Variants in VPS13B observed in about 807,000 individuals in gnomAD.
VPS13B encodes the protein vacuolar protein sorting 13 homolog B, also known as intermembrane lipid transfer protein VPS13B.
A neutral mutation model predicts 426.4 loss-of-function variants in VPS13B; 285 were observed. The ratio of observed to expected loss-of-function variants is 0.67; its 90% CI spans 0.61 to 0.74. VPS13B has a LOEUF of 0.74. Ranked by LOEUF, VPS13B falls within the 30% of genes least tolerant of loss-of-function variation. The pLI is 0.00. For missense variants in VPS13B, 4,537 were observed against 4,782.6 expected, an observed-to-expected ratio of 0.95 and a Z score of 1.51; for synonymous variants, 1,676 against 1,676.4, an observed-to-expected ratio of 1.00 and a Z score of 0.01.
intron 35 of VPS13B, among the ~76,000 whole-genome samples, chr8:99,681,397 T>C (rs1031306907): frequency 6.6e-6 from 1 of 152,256 alleles, no homozygotes; most frequent in Non-Finnish European, 1.5e-5. Flanking sequence ...GAAATGTGGC[T>C]CAGCACTGTC....
chr8:99,050,712 T>G, intron 3 of VPS13B, among the ~76,000 whole-genome samples: 1 of 152,212 alleles, frequency 6.6e-6, no homozygotes, highest in Non-Finnish European at 1.5e-5. Context: ...CCTGACTTTT[T>G]AATGAGTGCC....
intron 17 of VPS13B, among the ~76,000 whole-genome samples, chr8:99,219,231 G>T (rs1037915232): frequency 2.0e-5 from 3 of 152,222 alleles, no homozygotes; most frequent in African/African-American, 7.2e-5. Flanking sequence ...AGAATTATGA[G>T]AATGGCCTTG....
intron 21 of VPS13B, among the ~76,000 whole-genome samples, chr8:99,430,206 T>G (rs1817013731): frequency 6.6e-6 from 1 of 152,152 alleles, no homozygotes; most frequent in African/African-American, 2.4e-5. Context: ...TTCATGCCCT[T>G]AAGGTATTTT....
At position 99,442,409 on chromosome 8, in the gene VPS13B, A is replaced by G. The variant is rs1234904975; in HGVS notation, c.3219A>G (p.Val1073=). The change falls in exon 23 of 62, where the codon GTA becomes GTG. Residue 1073 remains valine, a synonymous_variant. Coordinates refer to ENST00000357162, the MANE Select transcript of VPS13B (RefSeq NM_152564.5). ...CTGCTTTTCTTTTCTAGCTTGAAGTACAATCTTGTTGTGTGTTTATTCCAA... is the reference window on the plus strand; with the variant it reads ...CTGCTTTTCTTTTCTAGCTTGAAGTGCAATCTTGTTGTGTGTTTATTCCAA... ...AVKHLTLQLE[V]QSCCVFIPND... 11 of 1,613,614 alleles carry G rather than the reference A, an allele frequency of 6.8e-6. No homozygotes were observed. Among genetic ancestry groups the G allele is most frequent in the Admixed American group, 1.7e-5 (1 of 60,016 alleles).
intron 40 of VPS13B, among the ~76,000 whole-genome samples, chr8:99,768,047 A>G (rs1811315045): frequency 6.6e-6 from 1 of 152,248 alleles, no homozygotes; most frequent in African/African-American, 2.4e-5. Context: ...CAGCACTTCT[A>G]GCTTACACAC....
At chr8:99,364,612 T>C (rs977894426) in intron 19 of VPS13B, among the ~76,000 whole-genome samples, 14 of 152,114 alleles carry the variant, frequency 9.2e-5, no homozygotes, top group Non-Finnish European at 1.3e-4. Flanking sequence ...TTTGTATTTT[T>C]AGTAGAGACA....
chr8:99,172,122 C>A (rs548607488), intron 16 of VPS13B, among the ~76,000 whole-genome samples: 2 of 152,182 alleles, frequency 1.3e-5, no homozygotes, highest in Admixed American at 6.5e-5. Context: ...GATAGTTAAA[C>A]CAGTTAATCA....
chr8:99,214,583 A>C (rs555858498), intron 17 of VPS13B, among the ~76,000 whole-genome samples: 1 of 152,252 alleles, frequency 6.6e-6, no homozygotes, highest in South Asian at 2.1e-4. Context: ...CAATGTGTAT[A>C]GGTTTAACTG....
chr8:99,538,580 G>A (rs903257351), intron 30 of VPS13B, among the ~76,000 whole-genome samples: 6 of 151,916 alleles, frequency 3.9e-5, no homozygotes, highest in Admixed American at 6.6e-5. Flanking sequence ...ATCTTTTCCC[G>A]CATGTGAGTA....
At chr8:99,869,023 G>GGGGC (rs1311415586) in intron 59 of VPS13B, among the ~76,000 whole-genome samples, 25 of 152,348 alleles carry the variant, frequency 1.6e-4, no homozygotes, top group Admixed American at 3.9e-4. Flanking sequence ...GCACTTGGAT[G>GGGGC]GGGCGTGCCG....
intron 40 of VPS13B, among the ~76,000 whole-genome samples, chr8:99,776,486 G>A (rs987541125): frequency 6.6e-6 from 1 of 152,110 alleles, no homozygotes; most frequent in African/African-American, 2.4e-5. Context: ...GATGAGGTGA[G>A]GTCTCACTAT....
intron 39 of VPS13B, among the ~76,000 whole-genome samples, chr8:99,728,516 GAA>G (rs1833447189): frequency 6.6e-6 from 1 of 152,128 alleles, no homozygotes; most frequent in Non-Finnish European, 1.5e-5. Flanking sequence ...ATTGATCAAA[GAA>G]TCTGGGATTC....
intron 39 of VPS13B, among the ~76,000 whole-genome samples, chr8:99,743,007 A>G (rs1327053393): frequency 7.2e-5 from 11 of 152,196 alleles, no homozygotes; most frequent in Non-Finnish European, 1.0e-4. Flanking sequence ...AATAAAGGGT[A>G]TTCAATTAGG....
chr8:99,315,590 G>T (rs1202183969), intron 19 of VPS13B, among the ~76,000 whole-genome samples: 1 of 149,696 alleles, frequency 6.7e-6, no homozygotes, highest in African/African-American at 2.5e-5. Flanking sequence ...ATCTCAATGA[G>T]CTTCTTTATA....
rs186089828 is a variant in VPS13B at position 99,860,657 on chromosome 8, A to C, written c.11045-1119A>C. Among the ~76,000 whole-genome samples the C allele has an allele frequency of 1.6e-3, 246 of 152,310 alleles. 2 individuals are homozygous for C. Among genetic ancestry groups the C allele is most frequent in the African/African-American group, 5.7e-3 (238 of 41,564 alleles). The stretch of plus-strand genomic sequence containing the variant: ...TACTGGTAAAGATGCAGCTGCAAAA[A>C]CGACATTGAGCATTTCTTCCTGAAA... On this transcript the variant is annotated intron_variant, in intron 57 of 61. Coordinates refer to ENST00000357162, the MANE Select transcript of VPS13B (RefSeq NM_152564.5).
intron 39 of VPS13B, among the ~76,000 whole-genome samples, chr8:99,747,108 C>T (rs1810129032): frequency 6.6e-6 from 1 of 152,044 alleles, no homozygotes; most frequent in African/African-American, 2.4e-5. Context: ...TCCCAAAGTC[C>T]TTTCCAGTCC....
intron 17 of VPS13B, among the ~76,000 whole-genome samples, chr8:99,200,573 T>C (rs932478050): frequency 6.6e-6 from 1 of 152,156 alleles, no homozygotes; most frequent in Non-Finnish European, 1.5e-5. Flanking sequence ...TTGTTATCTG[T>C]CTTTTGTGTT....
At chr8:99,527,424 A>ACCTTCTTT (rs1035691347) in intron 30 of VPS13B, among the ~76,000 whole-genome samples, 1 of 151,896 alleles carries the variant, frequency 6.6e-6, no homozygotes, top group Non-Finnish European at 1.5e-5. Flanking sequence ...TTAACCCTTT[A>ACCTTCTTT]CCTTCTTTAC....
chr8:99,086,507 T>A (rs2132394967), intron 3 of VPS13B, among the ~76,000 whole-genome samples: 1 of 152,376 alleles, frequency 6.6e-6, no homozygotes, highest in Admixed American at 6.5e-5. Flanking sequence ...GGTGAGGAGC[T>A]GCGTTCCTTT....
Sources: allele counts gnomAD v4.1 joint callset (sites outside exome capture counted in the v4.1 genomes callset), GRCh38; gene constraint gnomAD v4.1.1; transcripts MANE v1.5; gene names NCBI Gene and HGNC (gene_info 2026-07-23, HGNC 2026-07-21).